NT5DC1: variants seen among roughly 807,000 people sequenced by gnomAD.
NT5DC1 encodes 5'-nucleotidase domain-containing protein 1.
A neutral mutation model predicts 59.4 loss-of-function variants in NT5DC1; 42 were observed. The observed-to-expected ratio is 0.71, with a 90% confidence interval of 0.55 to 0.92. NT5DC1 has a LOEUF of 0.92. NT5DC1 is among the 40% of genes least tolerant of loss of function. NT5DC1 has a pLI of 0.00. For missense variants in NT5DC1, 501 were observed against 537.1 expected (o/e 0.93, Z 0.66); for synonymous variants, 172 against 188.1 (o/e 0.91, Z 0.70).
chr6:116,169,378 T>A (rs1780557564), intron 6 of NT5DC1, among the ~76,000 whole-genome samples: 1 of 152,234 alleles, frequency 6.6e-6, no homozygotes, highest in African/African-American at 2.4e-5. Context: ...TGTTATAGTT[T>A]CCAGTTTATG....
At chr6:116,210,076 AG>A (rs986945360) in intron 6 of NT5DC1, among the ~76,000 whole-genome samples, 1 of 151,930 alleles carries the variant, frequency 6.6e-6, no homozygotes, top group Non-Finnish European at 1.5e-5. Flanking sequence ...ACAAGGTTGA[AG>A]GGTGTGATTT....
At chr6:116,160,906 GTAT>G (rs1443116867) in intron 6 of NT5DC1, among the ~76,000 whole-genome samples, 18 of 152,044 alleles carry the variant, frequency 1.2e-4, no homozygotes, top group Admixed American at 2.6e-4. Flanking sequence ...GTTTATTGCG[GTAT>G]TATTCACAAT....
At chr6:116,167,148 T>C (rs375701854) in intron 6 of NT5DC1, among the ~76,000 whole-genome samples, 2 of 151,900 alleles carry the variant, frequency 1.3e-5, no homozygotes, top group East Asian at 1.9e-4. Context: ...ATGCATCAGA[T>C]ATAAAAGTGA....
intron 6 of NT5DC1, among the ~76,000 whole-genome samples, chr6:116,149,453 T>G (rs1663426843): frequency 2.6e-5 from 4 of 152,226 alleles, no homozygotes. Context: ...CTGCCAGTAC[T>G]AAGAGAACAC....
In NT5DC1 at chr6:116,117,881, A is replaced by G. The variant is rs138895213; in HGVS notation, c.465A>G (p.Thr155=). 1.3e-5 allele frequency: 21 copies of G among 1,571,342 alleles called. No individual in the cohort carries two copies. In the Middle Eastern group the frequency reaches 6.8e-4, roughly 51 times the overall value. The change falls in exon 6 of 12, where the codon ACA becomes ACG. Residue 155 remains threonine (T), a synonymous_variant. Coordinates refer to ENST00000319550, the MANE Select transcript of NT5DC1 (RefSeq NM_152729.3). ...TTCAGCTGAACAATGGTCAAAAAAC[A>G]TTTGATTTTTGGAAGGATATAGTTG... ...YLTKLNNGQK[T]FDFWKDIVAA... is the part of the protein sequence containing the mutation.
intron 6 of NT5DC1, among the ~76,000 whole-genome samples, chr6:116,148,758 T>G (rs1405795412): frequency 6.6e-6 from 1 of 152,186 alleles, no homozygotes; most frequent in Non-Finnish European, 1.5e-5. Flanking sequence ...TGTTTATTAT[T>G]CAGATATATG....
chr6:116,199,817 GTC>G (rs1268438183), intron 6 of NT5DC1, among the ~76,000 whole-genome samples: 1 of 151,982 alleles, frequency 6.6e-6, no homozygotes, highest in Non-Finnish European at 1.5e-5. Context: ...CCATCAATGA[GTC>G]TGGTATAAAT....
At chr6:116,101,050 C>A (rs751404756) in intron 1 of NT5DC1, 27 bp downstream of exon 1, 268 of 1,508,944 alleles carry the variant, frequency 1.8e-4, no homozygotes, top group Non-Finnish European at 2.3e-4. Flanking sequence ...CCGGGGCGCA[C>A]TGCGCGCAAC....
chr6:116,231,377 G>C (rs1368609628), intron 8 of NT5DC1, among the ~76,000 whole-genome samples: 1 of 152,072 alleles, frequency 6.6e-6, no homozygotes, highest in Non-Finnish European at 1.5e-5. Context: ...AATATGAACT[G>C]TTTGGTCAAA....
chr6:116,128,534 G>T (rs560034778), intron 6 of NT5DC1, among the ~76,000 whole-genome samples: 1 of 152,194 alleles, frequency 6.6e-6, no homozygotes, highest in Non-Finnish European at 1.5e-5. Flanking sequence ...ACATCTGGCA[G>T]TTAGCTACTA....
Position 116,249,433 on chromosome 6 carries a change from CT to C in NT5DC1, c.*5412del, listed in dbSNP as rs1331007745. 1 of 152,198 alleles carries C rather than the reference CT, an allele frequency of 6.6e-6. No homozygotes were observed. The highest frequency in any genetic ancestry group is 1.5e-5 in the Non-Finnish European group (1 of 68,030). The allele number at this position is 152,198 out of a possible 1,614,324, so 9.4% of individuals were successfully genotyped here. A position where few individuals can be genotyped will look rare whatever the true frequency, so the allele number is the denominator to read the frequency against. Reference sequence around the variant, plus strand: ...AATGCAGAGGTATTTATCCAATAAACTTTCATGTAATTGCTGCTATACAGCA... The same window carrying C: ...AATGCAGAGGTATTTATCCAATAAACTTCATGTAATTGCTGCTATACAGCA... On this transcript the variant is annotated 3_prime_UTR_variant, in exon 12 of 12. Coordinates refer to ENST00000319550, the MANE Select transcript of NT5DC1 (RefSeq NM_152729.3).
At chr6:116,118,248 C>T (rs1285178111) in intron 6 of NT5DC1, among the ~76,000 whole-genome samples, 1 of 152,046 alleles carries the variant, frequency 6.6e-6, no homozygotes, top group African/African-American at 2.4e-5. Context: ...ATGGCCTGGG[C>T]ATAAGGGTTG....
chr6:116,212,022 G>A (rs1237741677), intron 6 of NT5DC1, among the ~76,000 whole-genome samples: 4 of 151,998 alleles, frequency 2.6e-5, no homozygotes, highest in Admixed American at 2.6e-4. Context: ...AAGCAATGTT[G>A]CAGAGTATTA....
At chr6:116,165,631 T>C (rs1780446481) in intron 6 of NT5DC1, among the ~76,000 whole-genome samples, 1 of 152,190 alleles carries the variant, frequency 6.6e-6, no homozygotes, top group Non-Finnish European at 1.5e-5. Flanking sequence ...ATGACCCCCC[T>C]CTACATCTGT....
chr6:116,101,121 G>T, intron 1 of NT5DC1, 98 bp downstream of exon 1: 1 of 801,036 alleles, frequency 1.2e-6, no homozygotes, highest in Non-Finnish European at 1.9e-6. Flanking sequence ...CGCTGCCCGG[G>T]GCCTGCGGCG....
intron 6 of NT5DC1, among the ~76,000 whole-genome samples, chr6:116,177,402 A>C (rs1432814853): frequency 6.6e-6 from 1 of 152,160 alleles, no homozygotes; most frequent in Non-Finnish European, 1.5e-5. Flanking sequence ...ATTGAAACTC[A>C]CCACTCTAAA....
chr6:116,126,592 T>C (rs1432716451), intron 6 of NT5DC1, among the ~76,000 whole-genome samples: 3 of 152,182 alleles, frequency 2.0e-5, no homozygotes, highest in Admixed American at 2.0e-4. Flanking sequence ...TGTCTATTAA[T>C]ATTCATAAAT....
chr6:116,192,294 T>C (rs1231092224), intron 6 of NT5DC1, among the ~76,000 whole-genome samples: 1 of 152,008 alleles, frequency 6.6e-6, no homozygotes, highest in Non-Finnish European at 1.5e-5. Flanking sequence ...TAATACATAG[T>C]GAGGAGCTCT....
intron 6 of NT5DC1, among the ~76,000 whole-genome samples, chr6:116,186,193 G>A (rs1478324205): frequency 6.6e-6 from 1 of 151,998 alleles, no homozygotes; most frequent in Non-Finnish European, 1.5e-5. Context: ...AACAAAGGTA[G>A]GACCCCAATG....
Sources: allele counts gnomAD v4.1 joint callset (sites outside exome capture counted in the v4.1 genomes callset), GRCh38; gene constraint gnomAD v4.1.1; transcripts MANE v1.5; gene names NCBI Gene and HGNC (gene_info 2026-07-23, HGNC 2026-07-21).